Variants in ABCB11 observed in about 807,000 individuals in gnomAD.
ABCB11 encodes bile salt export pump.
ABCB11 carries 95 observed loss-of-function variants against 148.0 expected under a neutral mutation model. The ratio of observed to expected loss-of-function variants is 0.64; its 90% CI spans 0.54 to 0.76. The LOEUF is 0.76. Ranked by LOEUF, ABCB11 falls within the 30% of genes least tolerant of loss-of-function variation. The probability of loss-of-function intolerance (pLI) is 0.00; values close to 1 mark genes in which losing one functional copy is unlikely to be tolerated. For missense variants in ABCB11, 1,523 were observed against 1,617.8 expected (o/e 0.94, Z 1.01); for synonymous variants, 591 against 555.4 (o/e 1.06, Z -0.90).
At chr2:169,019,948 G>A (rs975905650) in intron 1 of ABCB11, among the ~76,000 whole-genome samples, 3 of 152,186 alleles carry the variant, frequency 2.0e-5, no homozygotes, top group Non-Finnish European at 4.4e-5. Context: ...ACAACTAGAG[G>A]ATGTGCCTTA....
intron 18 of ABCB11, among the ~76,000 whole-genome samples, chr2:168,960,997 C>T (rs1693047609): frequency 6.6e-6 from 1 of 151,624 alleles, no homozygotes; most frequent in Admixed American, 6.6e-5. Context: ...AAAGAAATGC[C>T]TGTCAGCAGC....
At chr2:168,990,422 T>A (rs530804663) in intron 9 of ABCB11, among the ~76,000 whole-genome samples, 1 of 152,266 alleles carries the variant, frequency 6.6e-6, no homozygotes, top group East Asian at 1.9e-4. Flanking sequence ...TCTCTTATGA[T>A]CTTCTGTATT....
At chr2:168,997,825 T>G (rs1490919158) in intron 5 of ABCB11, among the ~76,000 whole-genome samples, 3 of 152,092 alleles carry the variant, frequency 2.0e-5, no homozygotes, top group African/African-American at 7.2e-5. Context: ...CATTTATGCT[T>G]GTCTTGCTAG....
rs73014701 is a variant in ABCB11, at chr2:168,923,223, C to T, written c.*399G>A. 10 of 207,938 alleles carry T rather than the reference C, an allele frequency of 4.8e-5. No individual in the cohort carries two copies. The highest frequency in any genetic ancestry group is 1.4e-4 in the African/African-American group (6 of 43,710). The allele number at this position is 207,938 out of a possible 1,614,324, so 12.9% of individuals were successfully genotyped here. On this transcript the variant is annotated 3_prime_UTR_variant, in exon 28 of 28. Transcript: ENST00000650372. ...GTTATAGACCCGCCTCTGTGTACAC[C>T]GAGGGTTCAAAAATGAAAGACAGTT...
At chr2:168,952,415 A>C (rs1382390345) in intron 19 of ABCB11, among the ~76,000 whole-genome samples, 3 of 151,204 alleles carry the variant, frequency 2.0e-5, no homozygotes, top group Admixed American at 6.6e-5. Flanking sequence ...ACTCATTATT[A>C]GTCTGTTCAG....
intron 1 of ABCB11, among the ~76,000 whole-genome samples, chr2:169,025,341 C>T (rs1695665700): frequency 6.6e-6 from 1 of 152,170 alleles, no homozygotes; most frequent in Non-Finnish European, 1.5e-5. Context: ...CTGATTTCTC[C>T]ATCTTTCATG....
chr2:168,985,652 T>C (rs1433165497), intron 10 of ABCB11, among the ~76,000 whole-genome samples: 1 of 152,038 alleles, frequency 6.6e-6, no homozygotes, highest in African/African-American at 2.4e-5. Flanking sequence ...GCAACCTGGA[T>C]GGGATTGGAG....
intron 1 of ABCB11, among the ~76,000 whole-genome samples, chr2:169,024,132 C>A (rs373797449): frequency 6.6e-6 from 1 of 152,070 alleles, no homozygotes; most frequent in Non-Finnish European, 1.5e-5. Context: ...TGCAGCAAAC[C>A]ACCATGGCAC....
Position 168,932,535 on chromosome 2 carries a change from T to C in ABCB11, c.3057-2A>G. The C allele has an allele frequency of 1.9e-6, 3 of 1,612,990 alleles. No homozygotes were observed. The highest frequency in any genetic ancestry group is 2.5e-6 in the Non-Finnish European group (3 of 1,179,480). On this transcript the variant is annotated splice_acceptor_variant, in intron 23 of 27. Transcript: ENST00000650372. LOFTEE classifies it high-confidence loss of function. ...CTCAGTACAACTGCAGAGATCACCC[T>C]GTAACCAGACAGACACACAGGAAGA...
At chr2:168,997,199 C>T (rs1694746362) in intron 5 of ABCB11, among the ~76,000 whole-genome samples, 1 of 152,002 alleles carries the variant, frequency 6.6e-6, no homozygotes, top group African/African-American at 2.4e-5. Flanking sequence ...AATCAGGAGG[C>T]TTACTGTTAC....
At chr2:169,019,710 T>C (rs780090249) in intron 1 of ABCB11, among the ~76,000 whole-genome samples, 6 of 151,972 alleles carry the variant, frequency 3.9e-5, no homozygotes, top group Non-Finnish European at 7.4e-5. Flanking sequence ...ACAAAATCCA[T>C]CCTAAACACT....
chr2:168,986,063 A>G (rs766516368), intron 10 of ABCB11, 47 bp downstream of exon 10: 93 of 1,385,428 alleles, frequency 6.7e-5, no homozygotes, highest in Non-Finnish European at 8.7e-5. Context: ...GACTTTTCTG[A>G]GATACCAGAA....
chr2:169,009,188 AT>A (rs1165677019), intron 5 of ABCB11, among the ~76,000 whole-genome samples: 1 of 152,114 alleles, frequency 6.6e-6, no homozygotes, highest in Non-Finnish European at 1.5e-5. Flanking sequence ...ATGTTTTAAA[AT>A]TCTAGAAATA....
At chr2:168,963,860 TAAC>T (rs1202546386) in intron 18 of ABCB11, among the ~76,000 whole-genome samples, 1 of 151,828 alleles carries the variant, frequency 6.6e-6, no homozygotes, top group Non-Finnish European at 1.5e-5. Context: ...CAGGTATTCT[TAAC>T]AACTTTTATA....
In ABCB11 at chr2:168,993,819, G is replaced by A. The variant is rs375436478; in HGVS notation, c.675C>T (p.Thr225=). The A allele has an allele frequency of 6.2e-7, 1 of 1,611,612 alleles. No individual in the cohort carries two copies. Among genetic ancestry groups the A allele is most frequent in the East Asian group, 2.2e-5 (1 of 44,702 alleles). The change falls in exon 8 of 28, where the codon ACC becomes ACT. Residue 225 remains threonine (T), a synonymous_variant. Transcript: ENST00000650372. The part of the protein sequence containing the change: ...DQMALFIQRM[T]STICGFLLGF... ...CCAACAGGAAACCACAGATGGTCGA[G>A]GTCATGCGCTGAATGAAAAGGGCCA...
rs1558894166 is a variant in ABCB11 at position 168,969,412 on chromosome 2, TA to T, written c.1948del (p.Tyr650ThrfsTer4). 5.6e-6 allele frequency: 9 copies of T among 1,612,630 alleles called. No individual in the cohort carries two copies. Among genetic ancestry groups the T allele is most frequent in the Non-Finnish European group, 7.6e-6 (9 of 1,179,270 alleles). On this transcript the variant is annotated frameshift_variant, in exon 16 of 28. Coordinates refer to ENST00000650372, the MANE Select transcript of ABCB11 (RefSeq NM_003742.4). LOFTEE classifies it high-confidence loss of function. ...HEELLERKGV[Y>X]FTLVTLQSQG... ...GCTTTGCAAAGTCACTAGAGTGAAG[TA>T]AACACCTTTCCTTTCCAGTAATTCT...
intron 1 of ABCB11, among the ~76,000 whole-genome samples, chr2:169,026,660 T>C (rs2106075533): frequency 6.6e-6 from 1 of 152,340 alleles, no homozygotes; most frequent in South Asian, 2.1e-4. Context: ...ATATCTGATA[T>C]ATATTATTAG....
At chr2:168,970,806 A>G (rs546263515) in intron 14 of ABCB11, among the ~76,000 whole-genome samples, 1 of 152,106 alleles carries the variant, frequency 6.6e-6, no homozygotes, top group Non-Finnish European at 1.5e-5. Flanking sequence ...AGCTTTTTAC[A>G]CATAACATCT....
chr2:169,004,671 A>G (rs531313217), intron 5 of ABCB11, among the ~76,000 whole-genome samples: 2 of 152,198 alleles, frequency 1.3e-5, no homozygotes, highest in South Asian at 4.1e-4. Flanking sequence ...TTTTTCTGGC[A>G]ATTCAGAGAT....
Sources: gnomAD v4.1 joint callset for allele counts (sites outside exome capture counted in the v4.1 genomes callset) on GRCh38, gnomAD v4.1.1 for gene constraint, MANE v1.5 for transcripts, NCBI Gene and HGNC (gene_info 2026-07-23, HGNC 2026-07-21) for gene names.